Variants in SSPN observed in about 807,000 individuals in gnomAD.
The protein encoded by SSPN is sarcospan, also known as K-ras oncogene-associated protein.
Under a neutral mutation model 19.1 loss-of-function variants are expected in SSPN, and 15 were observed. That is an observed-to-expected ratio of 0.78 (90% CI 0.52 to 1.21). The LOEUF (loss-of-function observed/expected upper bound fraction) is 1.21. SSPN is among the 50% of genes most tolerant of loss of function. SSPN has a pLI of 0.00. For synonymous variants in SSPN, 147 were observed against 140.3 expected, an observed-to-expected ratio of 1.05 and a Z score of -0.34; for missense variants, 291 against 314.0, an observed-to-expected ratio of 0.93 and a Z score of 0.55.
chr12:26,187,575 C>G (rs963407239), intron 1 of SSPN, among the ~76,000 whole-genome samples: 1 of 152,158 alleles, frequency 6.6e-6, no homozygotes, highest in Admixed American at 6.5e-5. Context: ...AATAGAACGG[C>G]AGACTTTTTA....
chr12:26,146,637 A>G (rs941416223), intron 1 of SSPN, among the ~76,000 whole-genome samples: 4 of 152,172 alleles, frequency 2.6e-5, no homozygotes. Flanking sequence ...AGCCTGGCCA[A>G]CATAGCAAAA....
chr12:26,230,167 G>T (rs1273650230), intron 2 of SSPN, among the ~76,000 whole-genome samples: 1 of 152,110 alleles, frequency 6.6e-6, no homozygotes, highest in African/African-American at 2.4e-5. Context: ...CCTCCTACTG[G>T]GGATTCTCAT....
rs1438188630 is a variant in SSPN, at chr12:26,234,442, T to C, written c.*3366T>C. The C allele has an allele frequency of 6.6e-6, 1 of 152,234 alleles. No individual in the cohort carries two copies. Among genetic ancestry groups the C allele is most frequent in the Non-Finnish European group, 1.5e-5 (1 of 68,042 alleles). The allele number at this position is 152,234 out of a possible 1,614,324, so 9.4% of individuals were successfully genotyped here. On this transcript the variant is annotated 3_prime_UTR_variant, in exon 3 of 3. Coordinates refer to ENST00000242729, the MANE Select transcript of SSPN (RefSeq NM_005086.5). ...GCACTCTATCATGTTTTTAGGTGTA[T>C]ATTGTGTATTCAGGATAGCATTAAA... is the stretch of plus-strand genomic sequence containing the variant.
chr12:26,218,317 TGGGGTGGGGGGAGG>T (rs1945079545), intron 1 of SSPN, among the ~76,000 whole-genome samples: 10 of 48,914 alleles, frequency 2.0e-4, no homozygotes, highest in African/African-American at 6.5e-4. Context: ...GGGACTGTTG[TGGGGTGGGGGGAGG>T]GGGGAGGGGG....
At chr12:26,168,636 T>C (rs1944635525) in intron 1 of SSPN, among the ~76,000 whole-genome samples, 1 of 152,210 alleles carries the variant, frequency 6.6e-6, no homozygotes, top group East Asian at 1.9e-4. Flanking sequence ...TGGAAGACAT[T>C]GTTGCATTCT....
At chr12:26,159,288 A>C (rs1009690412) in intron 1 of SSPN, among the ~76,000 whole-genome samples, 5 of 152,264 alleles carry the variant, frequency 3.3e-5, no homozygotes, top group African/African-American at 1.2e-4. Context: ...CTCTCTGCCC[A>C]GCAAATTAAT....
chr12:26,230,235 C>T (rs1010867633), intron 2 of SSPN, among the ~76,000 whole-genome samples: 8 of 152,204 alleles, frequency 5.3e-5, no homozygotes, highest in Non-Finnish European at 2.9e-5. Context: ...AAAAAATTAA[C>T]TTATGCTATT....
chr12:26,226,841 T>G (rs961845566), intron 2 of SSPN, among the ~76,000 whole-genome samples: 1 of 152,062 alleles, frequency 6.6e-6, no homozygotes, highest in African/African-American at 2.4e-5. Context: ...GCCCTTCCCG[T>G]TCAGGCCACC....
At chr12:26,159,765 GA>G (rs1352810515) in intron 1 of SSPN, among the ~76,000 whole-genome samples, 2 of 151,766 alleles carry the variant, frequency 1.3e-5, no homozygotes, top group Non-Finnish European at 2.9e-5. Flanking sequence ...TTGGCTGAAT[GA>G]AAAAAAATAA....
chr12:26,181,295 T>C (rs1281221061), intron 1 of SSPN: 1 of 152,228 alleles, frequency 6.6e-6, no homozygotes, highest in African/African-American at 2.4e-5. Context: ...TTTGATCCAC[T>C]TCTGTCTTTA....
chr12:26,191,069 T>C (rs1289532720), upstream of SSPN, among the ~76,000 whole-genome samples: 5 of 152,360 alleles, frequency 3.3e-5, no homozygotes, highest in Non-Finnish European at 4.4e-5. Context: ...TTTATCCAAG[T>C]CATTGCCTGC....
At position 26,224,413 on chromosome 12, in the gene SSPN, A is replaced by C. The variant is rs757207523; in HGVS notation, c.366+34A>C. On this transcript the variant is annotated intron_variant, in intron 2 of 2. Coordinates refer to ENST00000242729, the MANE Select transcript of SSPN (RefSeq NM_005086.5). ...TGATTGTTCTTTCTCTTTTATCATC[A>C]CATAGAAAGAAATCCAAGTACAAAA... is the stretch of plus-strand genomic sequence containing the variant. The C allele has an allele frequency of 2.5e-5, 38 of 1,517,844 alleles. No homozygotes were observed. In the Admixed American group the frequency reaches 6.3e-4, roughly 25 times the overall value. The allele number at this position is 1,517,844 out of a possible 1,614,324, so 94.0% of individuals were successfully genotyped here.
chr12:26,147,096 GC>G (rs1944496492), intron 1 of SSPN, among the ~76,000 whole-genome samples: 1 of 152,072 alleles, frequency 6.6e-6, no homozygotes, highest in African/African-American at 2.4e-5. Flanking sequence ...CAAAACAAAA[GC>G]AAATTGGTAA....
intron 2 of SSPN, among the ~76,000 whole-genome samples, chr12:26,224,650 A>G (rs866307705): frequency 1.4e-4 from 21 of 151,528 alleles, no homozygotes; most frequent in Middle Eastern, 6.8e-3. Context: ...AAAATTCATC[A>G]GTTCAACAAA....
intron 1 of SSPN, among the ~76,000 whole-genome samples, chr12:26,175,919 C>A (rs1325357433): frequency 6.6e-6 from 1 of 151,662 alleles, no homozygotes; most frequent in Non-Finnish European, 1.5e-5. Flanking sequence ...TCACTGCAAC[C>A]TCTGCCTCCA....
upstream of SSPN, among the ~76,000 whole-genome samples, chr12:26,193,227 A>G (rs1944799863): frequency 6.6e-6 from 1 of 152,262 alleles, no homozygotes; most frequent in Non-Finnish European, 1.5e-5. Flanking sequence ...GCCTATAGGC[A>G]ATATACATAC....
chr12:26,214,034 T>C (rs148803368), intron 1 of SSPN, among the ~76,000 whole-genome samples: 57 of 152,302 alleles, frequency 3.7e-4, no homozygotes, highest in African/African-American at 1.4e-3. Context: ...TGCTTATATT[T>C]ACATCTGTTA....
intron 1 of SSPN, among the ~76,000 whole-genome samples, chr12:26,165,584 T>C (rs746074469): frequency 4.6e-5 from 7 of 152,238 alleles, no homozygotes; most frequent in Non-Finnish European, 7.3e-5. Context: ...AACCAATAGA[T>C]GCTTAACAAA....
upstream of SSPN, chr12:26,195,283 A>C: frequency 5.2e-6 from 1 of 191,546 alleles, no homozygotes; most frequent in Non-Finnish European, 1.1e-5. Context: ...ACTTCACAGA[A>C]AGCAAAACCA....
Sources: allele counts gnomAD v4.1 joint callset (sites outside exome capture counted in the v4.1 genomes callset), GRCh38; gene constraint gnomAD v4.1.1; transcripts MANE v1.5; gene names NCBI Gene and HGNC (gene_info 2026-07-23, HGNC 2026-07-21).